RPS6KC1: variants seen among roughly 807,000 people sequenced by gnomAD.
RPS6KC1 encodes the protein ribosomal protein S6 kinase C1.
Under a neutral mutation model 103.8 loss-of-function variants are expected in RPS6KC1, and 54 were observed. The observed-to-expected ratio is 0.52, with a 90% CI of 0.42 to 0.65. RPS6KC1 has a LOEUF of 0.65. Among genes scored for constraint, RPS6KC1 ranks in the 30% least tolerant of loss-of-function variants. RPS6KC1 has a pLI of 0.00. For synonymous variants in RPS6KC1, 439 were observed against 438.7 expected (o/e 1.00, Z -0.01); for missense variants, 1,151 against 1,253.8 (o/e 0.92, Z 1.24).
intron 8 of RPS6KC1, among the ~76,000 whole-genome samples, chr1:213,190,166 A>AC (rs1258341816): frequency 6.6e-6 from 1 of 152,144 alleles, no homozygotes; most frequent in African/African-American, 2.4e-5. Flanking sequence ...TTGGGTATAT[A>AC]CCTAAGAGTG....
the RPS6KC1 span, among the ~76,000 whole-genome samples, chr1:213,496,132 A>C: frequency 1.3e-5 from 2 of 152,202 alleles, no homozygotes; most frequent in African/African-American, 4.8e-5. Context: ...AAACTAGAGA[A>C]GTAAATGTGA....
the RPS6KC1 span, among the ~76,000 whole-genome samples, chr1:213,748,785 C>T: frequency 4.9e-3 from 750 of 152,340 alleles, 3 homozygotes; most frequent in African/African-American, 0.017. Context: ...AGATATATCA[C>T]CTTTCAAACT....
At chr1:213,583,845 AG>A in the RPS6KC1 span, among the ~76,000 whole-genome samples, 11 of 148,058 alleles carry the variant, frequency 7.4e-5, no homozygotes, top group Non-Finnish European at 1.5e-4. Context: ...AAAAGAAAAA[AG>A]AAAAAAAAAG....
chr1:213,824,641 G>A, the RPS6KC1 span, among the ~76,000 whole-genome samples: 3 of 152,160 alleles, frequency 2.0e-5, no homozygotes, highest in African/African-American at 7.2e-5. Context: ...TCTCGTGATA[G>A]TGAATAAGTC....
At chr1:213,217,458 T>C (rs1201367498) in intron 8 of RPS6KC1, among the ~76,000 whole-genome samples, 1 of 152,196 alleles carries the variant, frequency 6.6e-6, no homozygotes. Flanking sequence ...GATGAGCTGG[T>C]ACTATTCCTT....
At chr1:213,594,999 C>T in the RPS6KC1 span, among the ~76,000 whole-genome samples, 149 of 152,246 alleles carry the variant, frequency 9.8e-4, 2 homozygotes, top group African/African-American at 3.5e-3. Context: ...ACATCAGAAA[C>T]ATCAAATAGG....
chr1:213,429,440 G>A, the RPS6KC1 span, among the ~76,000 whole-genome samples: 11 of 152,222 alleles, frequency 7.2e-5, no homozygotes, highest in Non-Finnish European at 8.8e-5. Context: ...GAGCCACCAT[G>A]CTAGGCCAAC....
chr1:213,377,112 C>G, the RPS6KC1 span, among the ~76,000 whole-genome samples: 1 of 152,214 alleles, frequency 6.6e-6, no homozygotes, highest in African/African-American at 2.4e-5. Context: ...TGACTTTTCC[C>G]AAGTTGGAGT....
chr1:213,277,629 A>T (rs1184104006), downstream of RPS6KC1, among the ~76,000 whole-genome samples: 1 of 152,232 alleles, frequency 6.6e-6, no homozygotes, highest in Non-Finnish European at 1.5e-5. Context: ...GAGATGGCCA[A>T]CCTGCCTTTT....
At chr1:213,336,439 G>A in the RPS6KC1 span, among the ~76,000 whole-genome samples, 1 of 152,170 alleles carries the variant, frequency 6.6e-6, no homozygotes, top group East Asian at 1.9e-4. Flanking sequence ...GTGCAGAGAG[G>A]CTGCTCAGTA....
chr1:213,084,653 C>T (rs767146655), intron 3 of RPS6KC1, among the ~76,000 whole-genome samples: 3 of 152,170 alleles, frequency 2.0e-5, no homozygotes, highest in Non-Finnish European at 4.4e-5. Context: ...TTTCTTCTCT[C>T]TGGGATAGGA....
chr1:213,288,087 T>C, the RPS6KC1 span, among the ~76,000 whole-genome samples: 1 of 152,236 alleles, frequency 6.6e-6, no homozygotes, highest in Non-Finnish European at 1.5e-5. Flanking sequence ...CGGATGATCC[T>C]AATGGTTGGT....
chr1:213,097,064 AT>A (rs1163068144), intron 3 of RPS6KC1, among the ~76,000 whole-genome samples: 8 of 152,174 alleles, frequency 5.3e-5, no homozygotes, highest in Non-Finnish European at 1.2e-4. Flanking sequence ...GAGCAATAAT[AT>A]TTTGAAAGGG....
At chr1:213,677,722 G>A in the RPS6KC1 span, among the ~76,000 whole-genome samples, 1 of 152,072 alleles carries the variant, frequency 6.6e-6, no homozygotes, top group African/African-American at 2.4e-5. Flanking sequence ...AGATCTTTTG[G>A]CCAGGCTGGG....
intron 8 of RPS6KC1, among the ~76,000 whole-genome samples, chr1:213,188,625 C>T (rs746793721): frequency 6.0e-4 from 92 of 152,094 alleles, no homozygotes; most frequent in Non-Finnish European, 1.1e-3. Context: ...ATTAAAAATA[C>T]AATACCTTTA....
chr1:213,675,319 C>A, the RPS6KC1 span, among the ~76,000 whole-genome samples: 13 of 152,190 alleles, frequency 8.5e-5, no homozygotes, highest in Non-Finnish European at 1.9e-4. Context: ...CCCTTGGAGT[C>A]CTCGGGAGGC....
At chr1:213,458,881 A>G in the RPS6KC1 span, among the ~76,000 whole-genome samples, 365 of 152,144 alleles carry the variant, frequency 2.4e-3, 2 homozygotes, top group Non-Finnish European at 4.4e-3. Context: ...GGTTTTTGTC[A>G]TTGGTTCTGT....
At chr1:213,269,904 A>G (rs947477721) in intron 14 of RPS6KC1, among the ~76,000 whole-genome samples, 4 of 151,612 alleles carry the variant, frequency 2.6e-5, no homozygotes, top group African/African-American at 4.8e-5. Context: ...AAAGAAAGAA[A>G]CTATGAAAAG....
rs1443728188 is a variant in RPS6KC1, at chr1:213,151,868, C to T, written c.836-15990C>T. Among the ~76,000 whole-genome samples, 375 of 118,484 alleles carry T rather than the reference C, an allele frequency of 3.2e-3. 17 individuals are homozygous for T. Among genetic ancestry groups the T allele is most frequent in the African/African-American group, 9.9e-3 (290 of 29,156 alleles). 77.7% of individuals were successfully genotyped at this position (118,484 alleles called of 152,430 possible). ...CTCCCTCCCGGACGGGGCGGCTGGC[C>T]GGGCGGGGGGCTGATCCCCCAACCT... On this transcript the variant is annotated intron_variant, in intron 6 of 14. Transcript: ENST00000366960.
Sources: allele counts gnomAD v4.1 joint callset (sites outside exome capture counted in the v4.1 genomes callset), GRCh38; gene constraint gnomAD v4.1.1; transcripts MANE v1.5; gene names NCBI Gene and HGNC (gene_info 2026-07-23, HGNC 2026-07-21).